The following IQGAP2 variants were observed in gnomAD, a reference collection of about 807,000 sequenced individuals.
IQGAP2 encodes IQ motif containing GTPase activating protein 2, also known as ras GTPase-activating-like protein IQGAP2.
A neutral mutation model predicts 201.3 loss-of-function variants in IQGAP2; 173 were observed. That is an observed-to-expected ratio of 0.86 (90% CI 0.76 to 0.98). The LOEUF (loss-of-function observed/expected upper bound fraction) is 0.98. IQGAP2 is among the 50% of genes least tolerant of loss of function. The pLI, the probability that IQGAP2 is intolerant of heterozygous loss-of-function variation, is 0.00. For synonymous variants in IQGAP2, 675 were observed against 673.9 expected (o/e 1.00, Z -0.03); for missense variants, 1,687 against 1,864.8 (o/e 0.90, Z 1.76).
chr5:76,664,807 G>GA (rs1354164922), intron 21 of IQGAP2, among the ~76,000 whole-genome samples: 2 of 152,042 alleles, frequency 1.3e-5, no homozygotes, highest in African/African-American at 2.4e-5. Flanking sequence ...CATGCTATTG[G>GA]AAAAAAATGG....
Position 76,403,305 on chromosome 5 carries a change from C to T in IQGAP2, c.-241C>T, listed in dbSNP as rs1214453756. ...AAAGGAAACCTGCTGCGGGAGGCGG[C>T]GGCGACCGGCCAGGGAGCGAGGGAG... On this transcript the variant is annotated 5_prime_UTR_variant, in exon 1 of 36. Transcript: ENST00000274364. This position sits in a 1 kb window ranked among gnomAD's most constrained non-coding sequence, Gnocchi z 4.8. 5.7e-6 allele frequency: 2 copies of T among 352,686 alleles called. No homozygotes were observed. Among genetic ancestry groups the T allele is most frequent in the East Asian group, 4.3e-5 (1 of 23,520 alleles). The allele number at this position is 352,686 out of a possible 1,614,324, so 21.8% of individuals were successfully genotyped here. A position where few individuals can be genotyped will look rare whatever the true frequency, so the allele number is the denominator to read the frequency against.
chr5:76,575,842 G>T, intron 5 of IQGAP2, 73 bp downstream of exon 5: 1 of 827,542 alleles, frequency 1.2e-6, no homozygotes, highest in South Asian at 2.2e-5. Flanking sequence ...AATTTTAAAA[G>T]AGGTTTTAAG....
At chr5:76,582,644 CT>C (rs1187771948) in intron 5 of IQGAP2, among the ~76,000 whole-genome samples, 1 of 152,114 alleles carries the variant, frequency 6.6e-6, no homozygotes, top group Non-Finnish European at 1.5e-5. Flanking sequence ...ACGATAGTAC[CT>C]TTTAGTGTAT....
intron 1 of IQGAP2, among the ~76,000 whole-genome samples, chr5:76,414,361 G>A (rs1580140160): frequency 6.6e-6 from 1 of 152,252 alleles, no homozygotes; most frequent in East Asian, 1.9e-4. Context: ...CCTCAGGTAA[G>A]ATCTAGTAAG....
chr5:76,664,941 T>C, intron 21 of IQGAP2, 85 bp from the exon 22 acceptor site: 1 of 763,300 alleles, frequency 1.3e-6, no homozygotes, highest in Non-Finnish European at 2.2e-6. Flanking sequence ...TATTTCCAAT[T>C]ACGTGTGTTT....
At chr5:76,592,302 T>C (rs1312969615) in intron 8 of IQGAP2, among the ~76,000 whole-genome samples, 1 of 152,242 alleles carries the variant, frequency 6.6e-6, no homozygotes, top group Non-Finnish European at 1.5e-5. Flanking sequence ...TAGCCTAATG[T>C]GCTAAGCTTT....
intron 2 of IQGAP2, among the ~76,000 whole-genome samples, chr5:76,480,047 G>A (rs1297439629): frequency 6.6e-6 from 1 of 151,856 alleles, no homozygotes; most frequent in African/African-American, 2.4e-5. Flanking sequence ...AGTGTGGGAG[G>A]AAGAGAATTG....
chr5:76,621,479 C>T (rs1378934494), intron 13 of IQGAP2, among the ~76,000 whole-genome samples: 1 of 152,214 alleles, frequency 6.6e-6, no homozygotes, highest in Non-Finnish European at 1.5e-5. Context: ...CATCTGACAT[C>T]ACCCAAAGAG....
At chr5:76,646,129 A>T (rs1221473169) in intron 17 of IQGAP2, among the ~76,000 whole-genome samples, 1 of 152,116 alleles carries the variant, frequency 6.6e-6, no homozygotes, top group African/African-American at 2.4e-5. Context: ...AAAATATAGG[A>T]ACTGTTAAGA....
intron 2 of IQGAP2, among the ~76,000 whole-genome samples, chr5:76,472,248 T>G (rs1000459168): frequency 1.3e-5 from 2 of 152,192 alleles, no homozygotes; most frequent in African/African-American, 4.8e-5. Flanking sequence ...GAGCCCAGAC[T>G]TGTCCAGGGT....
At chr5:76,439,522 C>T (rs558582173) in intron 1 of IQGAP2, among the ~76,000 whole-genome samples, 1 of 152,242 alleles carries the variant, frequency 6.6e-6, no homozygotes, top group Non-Finnish European at 1.5e-5. Flanking sequence ...CTGGGAGCTC[C>T]AGAGTTAGGT....
intron 2 of IQGAP2, among the ~76,000 whole-genome samples, chr5:76,503,174 C>CTTTTTTTTTT (rs11297908): frequency 1.1e-4 from 12 of 109,340 alleles, no homozygotes; most frequent in Admixed American, 3.2e-4. Flanking sequence ...CTTTTCTTTT[C>CTTTTTTTTTT]TTTTTTTTTT....
chr5:76,447,106 G>A (rs566459264), intron 1 of IQGAP2, among the ~76,000 whole-genome samples: 8 of 152,150 alleles, frequency 5.3e-5, no homozygotes, highest in East Asian at 1.9e-4. Flanking sequence ...AGCCGTTGTC[G>A]GCCAACCTCC....
chr5:76,694,260 C>T (rs950730162), intron 31 of IQGAP2, among the ~76,000 whole-genome samples: 2 of 151,962 alleles, frequency 1.3e-5, no homozygotes, highest in African/African-American at 4.8e-5. Flanking sequence ...CAGTGAGACC[C>T]CCATCTCTAA....
intron 2 of IQGAP2, among the ~76,000 whole-genome samples, chr5:76,509,085 G>A (rs764703077): frequency 3.5e-5 from 4 of 112,718 alleles, no homozygotes; most frequent in South Asian, 2.6e-4. Flanking sequence ...GCATGCTTGC[G>A]TGTGTGTGTA....
chr5:76,442,225 CATTTTTCTTTGG>C (rs1753087709), intron 1 of IQGAP2, among the ~76,000 whole-genome samples: 2 of 152,122 alleles, frequency 1.3e-5, no homozygotes, highest in South Asian at 4.1e-4. Flanking sequence ...TCTGTTTCTC[CATTTTTCTTTGG>C]AGGATTTAAT....
chr5:76,511,171 A>G (rs554209790), intron 2 of IQGAP2, among the ~76,000 whole-genome samples: 1 of 152,188 alleles, frequency 6.6e-6, no homozygotes, highest in African/African-American at 2.4e-5. Flanking sequence ...GATGGTTTAA[A>G]CAAACAAGTT....
chr5:76,429,590 ATATATATGTATATT>A (rs1315482805), intron 1 of IQGAP2, among the ~76,000 whole-genome samples: 1 of 126,990 alleles, frequency 7.9e-6, no homozygotes, highest in African/African-American at 2.6e-5. Flanking sequence ...ATTTATATAT[ATATATATGTATATT>A]TATATATATA....
At chr5:76,574,745 C>T (rs1170642756) in intron 4 of IQGAP2, among the ~76,000 whole-genome samples, 1 of 152,126 alleles carries the variant, frequency 6.6e-6, no homozygotes, top group African/African-American at 2.4e-5. Flanking sequence ...GTATTCAAAA[C>T]TTTGATGTTC....
Sources: gnomAD v4.1 joint callset for allele counts (sites outside exome capture counted in the v4.1 genomes callset) on GRCh38, gnomAD v4.1.1 for gene constraint, Gnocchi (gnomAD v3.1) non-coding constraint, MANE v1.5 for transcripts, NCBI Gene and HGNC (gene_info 2026-07-23, HGNC 2026-07-21) for gene names.